The following FAT3 variants were observed in gnomAD, a reference collection of about 807,000 sequenced individuals.
FAT3 encodes the protein protocadherin Fat 3.
In FAT3, 95 loss-of-function variants were observed where a neutral mutation model predicts 310.2. The ratio of observed to expected loss-of-function variants is 0.31; its 90% CI spans 0.26 to 0.36. FAT3 has a LOEUF of 0.36. Ranked by LOEUF, FAT3 falls within the 10% of genes least tolerant of loss-of-function variation. The pLI, the probability that FAT3 is intolerant of heterozygous loss-of-function variation, is 1.00. For missense variants in FAT3, 5,408 were observed against 5,715.6 expected (o/e 0.95, Z 1.74); for synonymous variants, 2,314 against 2,192.9 (o/e 1.06, Z -1.54).
intron 4 of FAT3, among the ~76,000 whole-genome samples, chr11:92,726,435 A>G (rs949713296): frequency 6.6e-6 from 1 of 152,230 alleles, no homozygotes; most frequent in Non-Finnish European, 1.5e-5. Context: ...AACAATGGGA[A>G]CTGGTGAAAT....
chr11:92,837,912 T>C, intron 17 of FAT3, 106 bp downstream of exon 17: 1 of 1,357,568 alleles, frequency 7.4e-7, no homozygotes, highest in Non-Finnish European at 1.0e-6. Context: ...TAATGTCATC[T>C]CATCCCTTCA....
chr11:92,583,967 G>A (rs867701810), intron 3 of FAT3, among the ~76,000 whole-genome samples: 1 of 152,000 alleles, frequency 6.6e-6, no homozygotes, highest in Admixed American at 6.6e-5. Flanking sequence ...AGAAGTGCAT[G>A]TTCTGTGGCA....
intron 2 of FAT3, among the ~76,000 whole-genome samples, chr11:92,442,109 A>T (rs1214270920): frequency 0.73 from 36,405 of 49,620 alleles, 14,316 homozygotes; most frequent in East Asian, 0.8. Flanking sequence ...ATATATATAT[A>T]TATTTTTTTT....
intron 2 of FAT3, among the ~76,000 whole-genome samples, chr11:92,446,741 C>G (rs538204405): frequency 6.6e-6 from 1 of 151,940 alleles, no homozygotes; most frequent in Non-Finnish European, 1.5e-5. Context: ...ATTCGTAATC[C>G]CACCCTAATG....
chr11:92,624,865 C>T (rs573305833), intron 3 of FAT3, among the ~76,000 whole-genome samples: 5 of 152,296 alleles, frequency 3.3e-5, no homozygotes, highest in African/African-American at 7.2e-5. Context: ...CTCTGAGAGA[C>T]GATCTGTTCA....
At chr11:92,276,640 C>A (rs895369985) in intron 1 of FAT3, among the ~76,000 whole-genome samples, 1 of 152,088 alleles carries the variant, frequency 6.6e-6, no homozygotes, top group Non-Finnish European at 1.5e-5. Context: ...GGTGCCTCAA[C>A]GAGTATGTAT....
intron 2 of FAT3, among the ~76,000 whole-genome samples, chr11:92,417,796 A>T (rs1459571055): frequency 6.6e-6 from 1 of 152,232 alleles, no homozygotes; most frequent in Non-Finnish European, 1.5e-5. Flanking sequence ...ATTAAGTAAT[A>T]GACCCTGACT....
chr11:92,804,386 C>T (rs1161760652), intron 10 of FAT3, among the ~76,000 whole-genome samples: 1 of 152,052 alleles, frequency 6.6e-6, no homozygotes, highest in Admixed American at 6.5e-5. Context: ...TTCTTCCTTC[C>T]TCCTCCTATC....
At chr11:92,645,874 T>C (rs1171707215) in intron 3 of FAT3, among the ~76,000 whole-genome samples, 1 of 152,254 alleles carries the variant, frequency 6.6e-6, no homozygotes, top group African/African-American at 2.4e-5. Flanking sequence ...AACATTGCCT[T>C]GTACATGGTG....
intron 1 of FAT3, among the ~76,000 whole-genome samples, chr11:92,334,248 C>T (rs1295064992): frequency 2.0e-5 from 3 of 151,974 alleles, no homozygotes; most frequent in African/African-American, 7.3e-5. Flanking sequence ...TGGTGGCATG[C>T]ACCTGTGGTC....
At chr11:92,252,094 G>T (rs1434703591) in intron 1 of FAT3, among the ~76,000 whole-genome samples, 1 of 152,102 alleles carries the variant, frequency 6.6e-6, no homozygotes, top group East Asian at 1.9e-4. Context: ...GACTTAGCAA[G>T]GCTTGGAATG....
At position 92,340,934 on chromosome 11, in the gene FAT3, C is replaced by A. The variant is rs550022034; in HGVS notation, c.-17-11162C>A. ...GATGTGCAGCAGGATTTGCGGAGAT[C>A]CGGAAGACTAGTTTTCTCTTAGGAT... On this transcript the variant is annotated intron_variant, in intron 1 of 27. Transcript: ENST00000525166. Among the ~76,000 whole-genome samples the A allele has an allele frequency of 5.3e-5, 8 of 152,166 alleles. No homozygotes were observed. The East Asian group carries it at 1.6e-3, about 30-fold the overall frequency.
intron 13 of FAT3, among the ~76,000 whole-genome samples, chr11:92,819,660 T>C (rs187431004): frequency 6.6e-6 from 1 of 152,340 alleles, no homozygotes; most frequent in Admixed American, 6.5e-5. Flanking sequence ...ATTTTTTAAG[T>C]TGTTGTATAG....
chr11:92,471,434 G>C (rs1176006045), intron 2 of FAT3, among the ~76,000 whole-genome samples: 1 of 152,092 alleles, frequency 6.6e-6, no homozygotes, highest in East Asian at 1.9e-4. Flanking sequence ...AAACCAAAAT[G>C]ATCAGTAAAC....
intron 1 of FAT3, among the ~76,000 whole-genome samples, chr11:92,267,583 A>G (rs1946003347): frequency 6.6e-6 from 1 of 151,788 alleles, no homozygotes; most frequent in South Asian, 2.1e-4. Context: ...AAAAAAAAAA[A>G]GTGGTGGTGG....
At chr11:92,301,667 A>G (rs777436151) in intron 1 of FAT3, among the ~76,000 whole-genome samples, 9 of 152,138 alleles carry the variant, frequency 5.9e-5, no homozygotes, top group Non-Finnish European at 1.2e-4. Context: ...ACAGCCAGTT[A>G]CATTATTATT....
intron 3 of FAT3, among the ~76,000 whole-genome samples, chr11:92,640,540 G>C (rs562744746): frequency 1.3e-5 from 2 of 152,114 alleles, no homozygotes; most frequent in Non-Finnish European, 2.9e-5. Context: ...GAAAGTTTTA[G>C]TGTAAATGCA....
rs373217732 is a variant in FAT3, at chr11:92,844,498, G to A, written c.11131G>A (p.Glu3711Lys). The A allele has an allele frequency of 4.1e-5, 66 of 1,613,802 alleles. No individual in the cohort carries two copies. The highest frequency in any genetic ancestry group is 1.6e-4 in the Middle Eastern group (1 of 6,084). Residue 3711 changes from glutamate to lysine, a missense_variant, in exon 19 of 28, where the codon GAG becomes AAG. Around this residue, in one of 5 missense-constraint regions of FAT3, gnomAD observed 4,588 missense variants for 4,809.8 expected, o/e 0.95. Transcript: ENST00000525166. ...MLFAVEMHSS[E>K]FYKPAYLIQK... The stretch of plus-strand genomic sequence containing the variant: ...GTTTGCGGTGGAGATGCACAGCAGC[G>A]AGTTCTACAAGCCAGCCTACCTGAT...
chr11:92,643,962 C>T (rs997845119), intron 3 of FAT3, among the ~76,000 whole-genome samples: 3 of 152,260 alleles, frequency 2.0e-5, no homozygotes, highest in Non-Finnish European at 2.9e-5. Context: ...AGAATGGCTA[C>T]ATGCCTTCTA....
Sources: gnomAD v4.1 joint callset for allele counts (sites outside exome capture counted in the v4.1 genomes callset) on GRCh38, gnomAD v4.1.1 for gene constraint, gnomAD v4.1.1 regional missense constraint, MANE v1.5 for transcripts, NCBI Gene and HGNC (gene_info 2026-07-23, HGNC 2026-07-21) for gene names.